Variants in EEFSEC observed in about 807,000 individuals in gnomAD.
EEFSEC encodes selenocysteine-specific elongation factor.
EEFSEC carries 43 observed loss-of-function variants against 42.1 expected under a neutral mutation model. The ratio of observed to expected loss-of-function variants is 1.02; its 90% CI spans 0.80 to 1.32. The LOEUF (loss-of-function observed/expected upper bound fraction) is 1.32. Among genes scored for constraint, EEFSEC ranks in the 40% most tolerant of loss-of-function variants. The pLI is 0.00. For synonymous variants in EEFSEC, 354 were observed against 339.1 expected (o/e 1.04, Z -0.48); for missense variants, 745 against 803.6 (o/e 0.93, Z 0.88).
intron 6 of EEFSEC, 99 bp from the exon 7 acceptor site, chr3:128,407,970 G>A: frequency 8.5e-7 from 1 of 1,173,676 alleles, no homozygotes; most frequent in South Asian, 1.6e-5. Context: ...TAGGGAGGGA[G>A]GCAGAAGAGG....
intron 4 of EEFSEC, among the ~76,000 whole-genome samples, chr3:128,328,131 A>C (rs2067085857): frequency 1.3e-5 from 2 of 152,138 alleles, no homozygotes; most frequent in African/African-American, 4.8e-5. Context: ...ATTGGTGAGG[A>C]CACTGAAGTC....
In EEFSEC at chr3:128,408,127, G is replaced by C; in HGVS notation, c.1659G>C (p.Arg553=). 6.2e-7 allele frequency: 1 copy of C among 1,610,608 alleles called. No individual in the cohort carries two copies. The highest frequency in any genetic ancestry group is 8.5e-7 in the Non-Finnish European group (1 of 1,178,334). Residue 553 remains arginine, a synonymous_variant, in exon 7 of 7, where the codon CGG becomes CGC. Coordinates refer to ENST00000254730, the MANE Select transcript of EEFSEC (RefSeq NM_021937.5). Reference sequence around the variant, plus strand: ...CACCCGCCCTCAAGAAGCGGGCCCGGGCTGGCCGTGGGGAGGCCACCAGGC... The same window carrying C: ...CACCCGCCCTCAAGAAGCGGGCCCGCGCTGGCCGTGGGGAGGCCACCAGGC... ...ILTPALKKRA[R]AGRGEATRQE...
At position 128,347,143 on chromosome 3, in the gene EEFSEC, A is replaced by G. The variant is rs183529681; in HGVS notation, c.1443+5254A>G. Among the ~76,000 whole-genome samples the G allele has an allele frequency of 3.3e-4, 50 of 152,336 alleles. 1 individual carries two copies. Among genetic ancestry groups the G allele is most frequent in the Non-Finnish European group, 6.3e-4 (43 of 68,030 alleles). On this transcript the variant is annotated intron_variant, in intron 5 of 6. Transcript: ENST00000254730. The stretch of plus-strand genomic sequence containing the variant: ...GGGTGCCCACTGTCTCTGTGCTAAC[A>G]CTGGGATGCATATACTACTTTATGT...
At chr3:128,204,896 A>G (rs1205197974) in intron 1 of EEFSEC, among the ~76,000 whole-genome samples, 5 of 152,204 alleles carry the variant, frequency 3.3e-5, no homozygotes. Flanking sequence ...ATTTACCTGG[A>G]TGATAATACA....
In EEFSEC at chr3:128,153,816, C is replaced by T. The variant is rs1944307470; in HGVS notation, c.309C>T (p.Ile103=). 1 of 1,510,444 alleles carries T rather than the reference C, an allele frequency of 6.6e-7. No individual in the cohort carries two copies. The highest frequency in any genetic ancestry group is 2.0e-5 in the Admixed American group (1 of 48,874). 93.6% of individuals were successfully genotyped at this position (1,510,444 alleles called of 1,614,324 possible). ...CPGHASLIRT[I]IGGAQIIDLM... is the part of the protein sequence containing the mutation. ...GGCACGCCTCCCTCATCCGGACCAT[C>T]ATCGGCGGTGAGCGCGGGCCGGGGC... The change falls in exon 1 of 7, where the codon ATC becomes ATT. Residue 103 remains isoleucine (I), a synonymous_variant. Transcript: ENST00000254730.
intron 4 of EEFSEC, among the ~76,000 whole-genome samples, chr3:128,323,551 A>C (rs1157180604): frequency 1.3e-5 from 2 of 152,292 alleles, no homozygotes; most frequent in East Asian, 3.9e-4. Context: ...CCTAACACGA[A>C]TTACTCTTAC....
chr3:128,333,331 G>C (rs1405801220), intron 4 of EEFSEC, among the ~76,000 whole-genome samples: 1 of 152,238 alleles, frequency 6.6e-6, no homozygotes, highest in Non-Finnish European at 1.5e-5. Flanking sequence ...TTTAAAGTTT[G>C]TTGTGATGGT....
intron 1 of EEFSEC, among the ~76,000 whole-genome samples, chr3:128,210,611 A>G (rs1305776796): frequency 6.6e-6 from 1 of 152,338 alleles, no homozygotes; most frequent in East Asian, 1.9e-4. Flanking sequence ...AGAGTCAGCA[A>G]TGTTTATTTT....
chr3:128,229,171 T>C (rs1248828817), intron 1 of EEFSEC, among the ~76,000 whole-genome samples: 1 of 152,232 alleles, frequency 6.6e-6, no homozygotes, highest in Non-Finnish European at 1.5e-5. Context: ...GTCTATGAAG[T>C]AGGCCCTGTT....
At chr3:128,188,692 C>A (rs2065489795) in intron 1 of EEFSEC, among the ~76,000 whole-genome samples, 1 of 152,188 alleles carries the variant, frequency 6.6e-6, no homozygotes, top group African/African-American at 2.4e-5. Context: ...TTTGACTGTA[C>A]AAGCAAAGTA....
At chr3:128,273,500 C>T (rs1318000208) in intron 4 of EEFSEC, among the ~76,000 whole-genome samples, 1 of 152,208 alleles carries the variant, frequency 6.6e-6, no homozygotes, top group East Asian at 1.9e-4. Flanking sequence ...TTCTTAACCC[C>T]CAAACCCCAA....
chr3:128,153,730 C>T lies in EEFSEC; in HGVS notation c.223C>T (p.Pro75Ser). 1 of 1,556,474 alleles carries T rather than the reference C, an allele frequency of 6.4e-7. No individual in the cohort carries two copies. Among genetic ancestry groups the T allele is most frequent in the African/African-American group, 1.4e-5 (1 of 72,202 alleles). Residue 75 changes from proline to serine, a missense_variant, in exon 1 of 7, where the codon CCC becomes TCC. Physicochemically the swap from Pro to Ser is moderately conservative, Grantham distance 74 (BLOSUM62 -1). Transcript: ENST00000254730. ...RSSLPEFQAA[P>S]EAEPEPGEPL... ...GTCTTTGCCCGAGTTCCAGGCAGCG[C>T]CCGAGGCCGAGCCCGAGCCCGGCGA...
At chr3:128,409,747 C>T (rs184307551), downstream of EEFSEC, among the ~76,000 whole-genome samples, 409 of 152,326 alleles carry the variant, frequency 2.7e-3, 4 homozygotes, top group Middle Eastern at 6.8e-3. Flanking sequence ...CCTCTACTGC[C>T]GCTGCCTGAG....
intron 6 of EEFSEC, among the ~76,000 whole-genome samples, chr3:128,395,674 G>A (rs1165766735): frequency 6.6e-6 from 1 of 152,220 alleles, no homozygotes; most frequent in Non-Finnish European, 1.5e-5. Flanking sequence ...CAATGAGGCG[G>A]TGTCTGTCCA....
chr3:128,285,399 T>C (rs1281763838), intron 4 of EEFSEC, among the ~76,000 whole-genome samples: 1 of 152,084 alleles, frequency 6.6e-6, no homozygotes, highest in Non-Finnish European at 1.5e-5. Context: ...AGAAATCAGC[T>C]TGGGAGAAGG....
chr3:128,190,489 A>G (rs1477980126), intron 1 of EEFSEC, among the ~76,000 whole-genome samples: 1 of 152,256 alleles, frequency 6.6e-6, no homozygotes, highest in Non-Finnish European at 1.5e-5. Flanking sequence ...ATACAGCTGT[A>G]CAGTGTGTTT....
At chr3:128,349,041 T>G (rs186204086) in intron 5 of EEFSEC, among the ~76,000 whole-genome samples, 1 of 151,966 alleles carries the variant, frequency 6.6e-6, no homozygotes, top group East Asian at 1.9e-4. Flanking sequence ...GACTGGAAGG[T>G]TCACTGCACA....
At chr3:128,155,096 G>A (rs547346907) in intron 1 of EEFSEC, among the ~76,000 whole-genome samples, 9 of 152,072 alleles carry the variant, frequency 5.9e-5, no homozygotes, top group South Asian at 2.1e-4. Flanking sequence ...CAAATGAAAA[G>A]ACCCGTTTTT....
intron 4 of EEFSEC, among the ~76,000 whole-genome samples, chr3:128,282,724 A>G (rs2107969141): frequency 6.6e-6 from 1 of 152,308 alleles, no homozygotes; most frequent in Non-Finnish European, 1.5e-5. Flanking sequence ...GGGAAAATCT[A>G]GGGACTGTTA....
Sources: gnomAD v4.1 joint callset for allele counts (sites outside exome capture counted in the v4.1 genomes callset) on GRCh38, gnomAD v4.1.1 for gene constraint, MANE v1.5 for transcripts, NCBI Gene and HGNC (gene_info 2026-07-23, HGNC 2026-07-21) for gene names.